The following AP3S2 variants were observed in gnomAD, a reference collection of about 807,000 sequenced individuals.
AP3S2 encodes the protein adaptor related protein complex 3 subunit sigma 2.
A neutral mutation model predicts 23.4 loss-of-function variants in AP3S2; 22 were observed. The ratio of observed to expected loss-of-function variants is 0.94; its 90% CI spans 0.67 to 1.34. The LOEUF (loss-of-function observed/expected upper bound fraction) is 1.34, where lower values mean the gene tolerates loss of function less well. AP3S2 is among the 40% of genes most tolerant of loss of function. AP3S2 has a pLI of 0.00. For synonymous variants in AP3S2, 86 were observed against 87.1 expected (o/e 0.99, Z 0.07); for missense variants, 241 against 236.9 (o/e 1.02, Z -0.11).
intron 4 of AP3S2, chr15:89,845,502 G>T (rs897152999): frequency 6.6e-6 from 1 of 152,242 alleles, no homozygotes; most frequent in African/African-American, 2.4e-5. Flanking sequence ...CCAAGCATGG[G>T]TGTGGGAGCA....
In AP3S2 at chr15:89,859,186, C is replaced by T. The variant is rs191793639; in HGVS notation, c.345+12289G>A. ...AGTGTCCTTCCTTCCTTCCTTTCTT[C>T]CTTCCTTCCCTCTCTCCTTGCTTCC... On this transcript the variant is annotated intron_variant, in intron 4 of 5. Transcript: ENST00000336418. Among the ~76,000 whole-genome samples the T allele has an allele frequency of 1.4e-4, 14 of 97,214 alleles. No individual in the cohort carries two copies. In the East Asian group the frequency reaches 4.9e-3, roughly 34 times the overall value. 63.8% of individuals were successfully genotyped at this position (97,214 alleles called of 152,430 possible). A position where few individuals can be genotyped will look rare whatever the true frequency, so the allele number is the denominator to read the frequency against.
intron 3 of AP3S2, among the ~76,000 whole-genome samples, chr15:89,887,103 C>G (rs1896718072): frequency 6.6e-6 from 1 of 152,032 alleles, no homozygotes; most frequent in Non-Finnish European, 1.5e-5. Flanking sequence ...GCCTTGAGCT[C>G]TTTCTATTAT....
At chr15:89,873,384 A>C (rs943904287) in intron 3 of AP3S2, among the ~76,000 whole-genome samples, 9 of 151,546 alleles carry the variant, frequency 5.9e-5, no homozygotes, top group African/African-American at 2.2e-4. Flanking sequence ...TCCTGGGTTC[A>C]AGCAATTCTC....
At position 89,835,520 on chromosome 15, in the gene AP3S2, C is replaced by T. The variant is rs1353945044; in HGVS notation, c.577G>A (p.Val193Ile). ...TTCAGGCCAATACTTGATCCTCAGA[C>T]AAACTGGGACAGGTTGGGAACTTTG... ...NIKVPNLSQF[V>I] Residue 193 changes from valine (V) to isoleucine (I), a missense_variant, in exon 6 of 6, where the codon GTC becomes ATC. Transcript: ENST00000336418. 2.6e-5 allele frequency: 42 copies of T among 1,613,822 alleles called. No individual in the cohort carries two copies. Among genetic ancestry groups the T allele is most frequent in the Non-Finnish European group, 3.5e-5 (41 of 1,179,980 alleles).
chr15:89,841,858 C>T (rs1316672508), intron 4 of AP3S2, among the ~76,000 whole-genome samples: 7 of 151,428 alleles, frequency 4.6e-5, no homozygotes, highest in Non-Finnish European at 1.0e-4. Flanking sequence ...AAATATACAA[C>T]GAGAAAAAAT....
intron 1 of AP3S2, 103 bp from the exon 2 acceptor site, chr15:89,889,243 T>A: frequency 8.1e-7 from 1 of 1,232,206 alleles, no homozygotes; most frequent in Non-Finnish European, 1.2e-6. Context: ...TGGGAACATC[T>A]AAACATTTAG....
intron 4 of AP3S2, among the ~76,000 whole-genome samples, chr15:89,864,406 G>A (rs1328749304): frequency 6.6e-6 from 1 of 152,134 alleles, no homozygotes; most frequent in South Asian, 2.1e-4. Flanking sequence ...TTAGTAGGAA[G>A]AGAAAGGAAG....
At chr15:89,847,375 C>CAAAAAA (rs11314336) in intron 4 of AP3S2, among the ~76,000 whole-genome samples, 1 of 62,606 alleles carries the variant, frequency 1.6e-5, no homozygotes, top group Non-Finnish European at 2.8e-5. Context: ...GACCCTGTTA[C>CAAAAAA]AAAAAAAAAA....
chr15:89,893,932 C>T lies in AP3S2; in HGVS notation c.18G>A (p.Leu6=). ...GTGGCTTCCCATGGTTGTTGAAAAC[C>T]AGAATCGCCTGAATCATCTTTGCCA... MIQAI[L]VFNNHGKPRL... The change falls in exon 1 of 6, where the codon CTG becomes CTA. Residue 6 remains leucine (L), a synonymous_variant. Coordinates refer to ENST00000336418, the MANE Select transcript of AP3S2 (RefSeq NM_005829.5). 10 of 1,551,654 alleles carry T rather than the reference C, an allele frequency of 6.4e-6. No individual in the cohort carries two copies. Among genetic ancestry groups the T allele is most frequent in the Non-Finnish European group, 8.7e-6 (10 of 1,146,980 alleles).
chr15:89,882,068 C>T (rs1025941247), intron 3 of AP3S2, among the ~76,000 whole-genome samples: 16 of 151,966 alleles, frequency 1.1e-4, no homozygotes, highest in South Asian at 4.1e-4. Context: ...GTGATCCGCC[C>T]GCCTCGGCCT....
chr15:89,885,188 G>GT (rs1184576218), intron 3 of AP3S2, among the ~76,000 whole-genome samples: 3 of 151,280 alleles, frequency 2.0e-5, no homozygotes, highest in African/African-American at 7.3e-5. Context: ...CATTTGGGCA[G>GT]TTTTTTGTTC....
intron 3 of AP3S2, chr15:89,878,364 G>A: frequency 1.7e-6 from 1 of 597,544 alleles, no homozygotes; most frequent in South Asian, 1.9e-5. Flanking sequence ...AACAAAAAAA[G>A]AATATGCATA....
chr15:89,833,013 G>T lies in AP3S2; in HGVS notation c.*2502C>A, dbSNP rs1050473745. On this transcript the variant is annotated 3_prime_UTR_variant, in exon 6 of 6. Transcript: ENST00000336418. ...CTTTGAATCTGTAGGACCACTCAAT[G>T]ATTTTTTAAAACCATTGGTTTCTGG... 5 of 152,182 alleles carry T rather than the reference G, an allele frequency of 3.3e-5. No homozygotes were observed. Among genetic ancestry groups the T allele is most frequent in the African/African-American group, 1.2e-4 (5 of 41,450 alleles). The allele number at this position is 152,182 out of a possible 1,614,324, so 9.4% of individuals were successfully genotyped here. A position where few individuals can be genotyped will look rare whatever the true frequency, so the allele number is the denominator to read the frequency against.
At chr15:89,844,257 TTCTTTCTTTCTTTCTCTC>T (rs1196545897) in intron 4 of AP3S2, among the ~76,000 whole-genome samples, 14 of 47,672 alleles carry the variant, frequency 2.9e-4, no homozygotes, top group East Asian at 1.4e-3. Flanking sequence ...CTTTCTTTCT[TTCTTTCTTTCTTTCTCTC>T]TCTCTCTCTT....
At chr15:89,877,539 ATATC>A (rs1896471301) in intron 3 of AP3S2, 4 of 589,078 alleles carry the variant, frequency 6.8e-6, no homozygotes, top group Non-Finnish European at 8.3e-6. Context: ...ATCCATGTTC[ATATC>A]TCTATTTTAT....
chr15:89,880,071 T>C (rs1896535129), intron 3 of AP3S2, among the ~76,000 whole-genome samples: 1 of 151,280 alleles, frequency 6.6e-6, no homozygotes, highest in Non-Finnish European at 1.5e-5. Flanking sequence ...TCTTAGGATA[T>C]ATAAAATATG....
At chr15:89,855,944 TTAA>T (rs1320569400) in intron 4 of AP3S2, among the ~76,000 whole-genome samples, 7 of 74,808 alleles carry the variant, frequency 9.4e-5, no homozygotes, top group African/African-American at 3.0e-4. Flanking sequence ...GATATGTCCT[TTAA>T]AAAAAAAAAA....
At chr15:89,860,276 G>A (rs745559183) in intron 4 of AP3S2, among the ~76,000 whole-genome samples, 25 of 152,174 alleles carry the variant, frequency 1.6e-4, no homozygotes, top group Non-Finnish European at 3.2e-4. Flanking sequence ...ATTAGGCACA[G>A]TAAGAGATTA....
intron 4 of AP3S2, among the ~76,000 whole-genome samples, chr15:89,840,075 A>G (rs3960018): frequency 0.73 from 110,456 of 151,996 alleles, 40,256 homozygotes; most frequent in East Asian, 0.8. Flanking sequence ...AGTGGTGGCT[A>G]TTGTTTAATG....
Sources: allele counts gnomAD v4.1 joint callset (sites outside exome capture counted in the v4.1 genomes callset), GRCh38; gene constraint gnomAD v4.1.1; transcripts MANE v1.5; gene names NCBI Gene and HGNC (gene_info 2026-07-23, HGNC 2026-07-21).